The following KCNMA1 variants were observed in gnomAD, a reference collection of about 807,000 sequenced individuals.
KCNMA1 encodes the protein Calcium-activated potassium channel subunit alpha-1.
Under a neutral mutation model 140.0 loss-of-function variants are expected in KCNMA1, and 29 were observed. The ratio of observed to expected loss-of-function variants is 0.21; its 90% CI spans 0.15 to 0.28. The LOEUF (loss-of-function observed/expected upper bound fraction) is 0.28. KCNMA1 is among the 10% of genes least tolerant of loss of function. The pLI is 1.00. For missense variants in KCNMA1, 880 were observed against 1,602.2 expected, an observed-to-expected ratio of 0.55 and a Z score of 7.70; for synonymous variants, 612 against 611.9, an observed-to-expected ratio of 1.00 and a Z score of 0.00.
At chr10:77,403,418 G>A (rs1168536478) in intron 2 of KCNMA1, among the ~76,000 whole-genome samples, 1 of 151,968 alleles carries the variant, frequency 6.6e-6, no homozygotes, top group Non-Finnish European at 1.5e-5. Context: ...CTGCAAGAGG[G>A]GGTCCCTATG....
chr10:76,871,399 T>C (rs2031303226), exon 28 of KCNMA1: 1 of 152,354 alleles, frequency 6.6e-6, no homozygotes, highest in Non-Finnish European at 1.5e-5. Context: ...ATGAATATAC[T>C]CTAGACCCAC....
At chr10:77,329,503 T>C (rs2085501796) in intron 2 of KCNMA1, among the ~76,000 whole-genome samples, 1 of 152,210 alleles carries the variant, frequency 6.6e-6, no homozygotes, top group Non-Finnish European at 1.5e-5. Context: ...TCACCAGGCA[T>C]GGCATCAGTT....
intron 1 of KCNMA1, among the ~76,000 whole-genome samples, chr10:77,584,244 C>T (rs116475898): frequency 1.9e-3 from 294 of 152,300 alleles, no homozygotes; most frequent in African/African-American, 6.7e-3. Flanking sequence ...ACTACCCACT[C>T]GTCCTCCCCT....
At chr10:77,516,632 A>G (rs1378537785) in intron 1 of KCNMA1, among the ~76,000 whole-genome samples, 1 of 152,270 alleles carries the variant, frequency 6.6e-6, no homozygotes, top group Non-Finnish European at 1.5e-5. Flanking sequence ...CTGAGCCTCT[A>G]TATGCTGAGA....
rs372858979 is a variant in KCNMA1 at position 77,025,452 on chromosome 10, C to T, written c.1928+2371G>A. 31 of 1,602,286 alleles carry T rather than the reference C, an allele frequency of 1.9e-5. No individual in the cohort carries two copies. The highest frequency in any genetic ancestry group is 1.5e-4 in the South Asian group (13 of 88,524). On this transcript the variant is annotated intron_variant, in intron 16 of 27. Coordinates refer to ENST00000286628, the MANE Select transcript of KCNMA1 (RefSeq NM_001161352.2). ...GTTAACGAAGAGTGCATACCGCTTTCGGCTTCTGCAAAACGACAAGAAAAG... is the reference window on the plus strand; with the variant it reads ...GTTAACGAAGAGTGCATACCGCTTTTGGCTTCTGCAAAACGACAAGAAAAG...
chr10:77,003,888 T>C (rs1187402998), intron 18 of KCNMA1, among the ~76,000 whole-genome samples: 1 of 152,152 alleles, frequency 6.6e-6, no homozygotes, highest in Non-Finnish European at 1.5e-5. Context: ...GTAAACCTCC[T>C]CCTTGATATG....
intron 1 of KCNMA1, among the ~76,000 whole-genome samples, chr10:77,506,845 G>A (rs961143199): frequency 1.9e-5 from 1 of 53,088 alleles, no homozygotes; most frequent in African/African-American, 1.5e-4. Context: ...GAGAGAGTGT[G>A]TGTGTGTGTG....
intron 1 of KCNMA1, among the ~76,000 whole-genome samples, chr10:77,488,784 G>T (rs2098494591): frequency 6.6e-6 from 1 of 152,066 alleles, no homozygotes; most frequent in African/African-American, 2.4e-5. Flanking sequence ...AAGTGCAGAG[G>T]ACACTCTGTT....
intron 1 of KCNMA1, among the ~76,000 whole-genome samples, chr10:77,436,982 AC>A (rs1566842905): frequency 5.9e-5 from 9 of 151,764 alleles, no homozygotes; most frequent in African/African-American, 2.2e-4. Context: ...ACACACACAC[AC>A]ACACACACAC....
chr10:76,951,917 A>G, intron 21 of KCNMA1: 2 of 949,500 alleles, frequency 2.1e-6, no homozygotes, highest in South Asian at 3.1e-5. Context: ...GCTCTGTGAG[A>G]GCAGTCGTTG....
chr10:77,261,725 A>T lies in KCNMA1; in HGVS notation c.541-10469T>A, dbSNP rs146150421. 4.0e-4 allele frequency among the ~76,000 whole-genome samples: 61 copies of T among 152,246 alleles called. No individual in the cohort carries two copies. In the East Asian group the frequency reaches 0.011, roughly 27 times the overall value. On this transcript the variant is annotated intron_variant, in intron 2 of 27. Coordinates refer to ENST00000286628, the MANE Select transcript of KCNMA1 (RefSeq NM_001161352.2). ...AACTTAAAAGGTTGCTTTTTGCATA[A>T]TTTTACCAATGACATTAAAACCGAT...
At chr10:77,453,356 T>A (rs2097698306) in intron 1 of KCNMA1, among the ~76,000 whole-genome samples, 1 of 96,026 alleles carries the variant, frequency 1.0e-5, no homozygotes. Flanking sequence ...AGGTAAAAAA[T>A]AAATAAATAT....
At chr10:77,563,353 G>C (rs140601472) in intron 1 of KCNMA1, among the ~76,000 whole-genome samples, 115 of 145,974 alleles carry the variant, frequency 7.9e-4, no homozygotes, top group Non-Finnish European at 1.3e-3. Context: ...TGTTTAAGCA[G>C]GATGGTTGGG....
rs575770355 is a variant in KCNMA1 at position 77,584,312 on chromosome 10, T to C, written c.378+52953A>G. 5.3e-5 allele frequency among the ~76,000 whole-genome samples: 8 copies of C among 152,324 alleles called. No homozygotes were observed. In the South Asian group the frequency reaches 1.7e-3, roughly 32 times the overall value. On this transcript the variant is annotated intron_variant, in intron 1 of 27. Transcript: ENST00000286628. ...AAGACTTGTGGGAAGCCCTTATTTG[T>C]CTTTATAGCCACAGAATGTGGTACA...
At chr10:76,941,018 G>GAAGAAAGAAAGAAAGA (rs758943097) in intron 23 of KCNMA1, among the ~76,000 whole-genome samples, 1,219 of 38,190 alleles carry the variant, frequency 0.032, 66 homozygotes, top group Admixed American at 0.087. Flanking sequence ...AGGAAGGAAG[G>GAAGAAAGAAAGAAAGA]AAGAAAGAAA....
chr10:77,477,055 G>A (rs957353936), intron 1 of KCNMA1, among the ~76,000 whole-genome samples: 1 of 152,192 alleles, frequency 6.6e-6, no homozygotes, highest in Non-Finnish European at 1.5e-5. Flanking sequence ...CAGGACACCT[G>A]GATTCCAGGA....
downstream of KCNMA1, chr10:76,884,138 C>T (rs1589462325): frequency 4.9e-6 from 1 of 203,248 alleles, no homozygotes; most frequent in South Asian, 1.7e-4. Flanking sequence ...GGATTTACTT[C>T]TCTCTATCTG....
intron 9 of KCNMA1, among the ~76,000 whole-genome samples, chr10:77,103,010 G>A (rs1271887266): frequency 1.3e-5 from 2 of 152,150 alleles, no homozygotes; most frequent in African/African-American, 2.4e-5. Context: ...TGCCGAGTGA[G>A]TGAATGAACC....
chr10:77,613,762 C>T (rs1470789011), intron 1 of KCNMA1, among the ~76,000 whole-genome samples: 2 of 152,186 alleles, frequency 1.3e-5, no homozygotes, highest in Admixed American at 6.5e-5. Context: ...GCTCCTCTCA[C>T]GATAGCTGGT....
Sources: gnomAD v4.1 joint callset for allele counts (sites outside exome capture counted in the v4.1 genomes callset) on GRCh38, gnomAD v4.1.1 for gene constraint, MANE v1.5 for transcripts, NCBI Gene and HGNC (gene_info 2026-07-23, HGNC 2026-07-21) for gene names.